The following RIF1 variants were observed in gnomAD, a reference collection of about 807,000 sequenced individuals.
RIF1 encodes the protein replication timing regulatory factor 1.
Under a neutral mutation model 247.1 loss-of-function variants are expected in RIF1, and 45 were observed. The ratio of observed to expected loss-of-function variants is 0.18; its 90% CI spans 0.14 to 0.23. RIF1 has a LOEUF of 0.23. Among genes scored for constraint, RIF1 ranks in the 10% least tolerant of loss-of-function variants. RIF1 has a pLI of 1.00. For missense variants in RIF1, 2,967 were observed against 2,862.5 expected, an observed-to-expected ratio of 1.04 and a Z score of -0.83; for synonymous variants, 1,087 against 978.8, an observed-to-expected ratio of 1.11 and a Z score of -2.06.
At chr2:151,511,672 T>A (rs752127302), downstream of RIF1, among the ~76,000 whole-genome samples, 13 of 152,200 alleles carry the variant, frequency 8.5e-5, no homozygotes, top group Non-Finnish European at 1.6e-4. Flanking sequence ...CTCCTGACCA[T>A]CACTGACAAT....
chr2:151,446,587 CTGA>C lies in RIF1; in HGVS notation c.2244+15_2244+17del. On this transcript the variant is annotated intron_variant, in intron 20 of 35. Transcript: ENST00000444746. ...ATGAAGGCTTTTCTGTGAGTTTGTC[CTGA>C]TGCTACCTTTTTTTGTTTGTTTTTA... is the stretch of plus-strand genomic sequence containing the variant. The C allele has an allele frequency of 3.1e-6, 5 of 1,602,432 alleles. No homozygotes were observed. The highest frequency in any genetic ancestry group is 4.2e-6 in the Non-Finnish European group (5 of 1,177,430).
At chr2:151,532,746 C>CT in the RIF1 span, among the ~76,000 whole-genome samples, 11 of 149,932 alleles carry the variant, frequency 7.3e-5, no homozygotes, top group Admixed American at 1.3e-4. Flanking sequence ...GCTCAATTAA[C>CT]TTTTTTTTTT....
intron 21 of RIF1, among the ~76,000 whole-genome samples, chr2:151,454,251 A>G (rs1473675165): frequency 6.6e-6 from 1 of 152,202 alleles, no homozygotes; most frequent in Non-Finnish European, 1.5e-5. Flanking sequence ...TGGAATGGGT[A>G]AATTTTTTGG....
In RIF1 at chr2:151,492,477, A is replaced by G. The variant is rs780485898; in HGVS notation, c.*416-2752A>G. ...CTTTGCCTTGTATTTGTTTCCGGAAACTATCAGAATAAAGAACCTGATGCA... is the reference window on the plus strand; with the variant it reads ...CTTTGCCTTGTATTTGTTTCCGGAAGCTATCAGAATAAAGAACCTGATGCA... On this transcript the variant is annotated intron_variant and NMD_transcript_variant, in intron 9 of 13. Transcript: ENST00000454583. The G allele has an allele frequency of 6.2e-7, 1 of 1,613,108 alleles. No homozygotes were observed. The highest frequency in any genetic ancestry group is 2.2e-5 in the East Asian group (1 of 44,866).
chr2:151,460,253 G>A, intron 26 of RIF1, 134 bp downstream of exon 26: 1 of 672,098 alleles, frequency 1.5e-6, no homozygotes, highest in Admixed American at 3.8e-5. Flanking sequence ...GAGGGCATTT[G>A]ATGTAGAAAG....
At chr2:151,490,152 G>C in intron 9 of RIF1, 1 of 1,261,832 alleles carries the variant, frequency 7.9e-7, no homozygotes. Context: ...TAGCAGCTGA[G>C]TGATGTCTTT....
chr2:151,493,898 A>T, intron 9 of RIF1: 1 of 1,383,782 alleles, frequency 7.2e-7, no homozygotes, highest in Non-Finnish European at 9.9e-7. Flanking sequence ...CCCGAAAGTC[A>T]CTACGAGGTA....
chr2:151,495,727 A>C (rs2059741387), intron 10 of RIF1, among the ~76,000 whole-genome samples: 1 of 100,844 alleles, frequency 9.9e-6, no homozygotes, highest in Non-Finnish European at 2.2e-5. Flanking sequence ...TTCTGGTGAC[A>C]CTTTCATTTT....
the RIF1 span, among the ~76,000 whole-genome samples, chr2:151,528,004 A>G: frequency 6.6e-6 from 1 of 152,242 alleles, no homozygotes. Context: ...AATTAAATGA[A>G]TTATAAAATT....
At chr2:151,512,019 C>CTTTTTTTTTTT (rs71403173), downstream of RIF1, among the ~76,000 whole-genome samples, 7 of 93,586 alleles carry the variant, frequency 7.5e-5, no homozygotes, top group Middle Eastern at 6.2e-3. Context: ...CCCTCTCACT[C>CTTTTTTTTTTT]TTTTTTTTTT....
chr2:151,529,281 A>T, the RIF1 span: 412 of 1,613,420 alleles, frequency 2.6e-4, no homozygotes, highest in Non-Finnish European at 3.0e-4. Flanking sequence ...GTGCAGTTGG[A>T]TTTATTTCTT....
the RIF1 span, chr2:151,525,333 T>C: frequency 3.2e-6 from 4 of 1,244,642 alleles, no homozygotes; most frequent in South Asian, 3.7e-5. Flanking sequence ...GTTGGTTTAC[T>C]TGAAGAACTG....
intron 21 of RIF1, among the ~76,000 whole-genome samples, chr2:151,452,263 T>C (rs571043186): frequency 6.6e-6 from 1 of 152,224 alleles, no homozygotes; most frequent in Non-Finnish European, 1.5e-5. Context: ...TAAAACCATA[T>C]GCCTTGGTTA....
intron 23 of RIF1, among the ~76,000 whole-genome samples, chr2:151,457,055 A>T (rs1162759062): frequency 6.6e-6 from 1 of 151,026 alleles, no homozygotes; most frequent in Non-Finnish European, 1.5e-5. Flanking sequence ...TTTAATGGAC[A>T]TTTAATAACA....
the RIF1 span, chr2:151,531,234 C>T: frequency 3.1e-6 from 2 of 649,218 alleles, no homozygotes; most frequent in Non-Finnish European, 5.5e-6. Context: ...TGCTTTCATG[C>T]TCTCTGCTAA....
At chr2:151,522,828 T>C in the RIF1 span, among the ~76,000 whole-genome samples, 1 of 152,158 alleles carries the variant, frequency 6.6e-6, no homozygotes, top group Non-Finnish European at 1.5e-5. Context: ...GCCTTTGAGG[T>C]ATTCCGCCTA....
At position 151,476,604 on chromosome 2, in the gene RIF1, C is replaced by T. The variant is rs4468813; in HGVS notation, c.*1533C>T. On this transcript the variant is annotated 3_prime_UTR_variant, in exon 36 of 36. Transcript: ENST00000444746. ...GTGTCTTTTTTCATCATCATAAATT[C>T]ATCATAATCACAGATATTTTTGGGT... 6.6e-6 allele frequency: 1 copy of T among 152,028 alleles called. No homozygotes were observed. Among genetic ancestry groups the T allele is most frequent in the Non-Finnish European group, 1.5e-5 (1 of 67,984 alleles). 9.4% of individuals were successfully genotyped at this position (152,028 alleles called of 1,614,324 possible).
chr2:151,434,600 C>T (rs897423997), intron 10 of RIF1, among the ~76,000 whole-genome samples: 3 of 151,922 alleles, frequency 2.0e-5, no homozygotes, highest in African/African-American at 7.2e-5. Flanking sequence ...GCCACCACGC[C>T]CAGCTAATTT....
At chr2:151,514,820 C>T in the RIF1 span, 43 of 1,563,226 alleles carry the variant, frequency 2.8e-5, no homozygotes, top group East Asian at 9.3e-5. Flanking sequence ...GGCACTACCT[C>T]GCTTGCTATT....
Sources: allele counts gnomAD v4.1 joint callset (sites outside exome capture counted in the v4.1 genomes callset), GRCh38; gene constraint gnomAD v4.1.1; transcripts MANE v1.5; gene names NCBI Gene and HGNC (gene_info 2026-07-23, HGNC 2026-07-21).